The following ZNF654 variants were observed in gnomAD, a reference collection of about 807,000 sequenced individuals.
ZNF654 encodes zinc finger protein 654.
Under a neutral mutation model 95.3 loss-of-function variants are expected in ZNF654, and 19 were observed. That is an observed-to-expected ratio of 0.20 (90% CI 0.14 to 0.29). The LOEUF (loss-of-function observed/expected upper bound fraction) is 0.29. Ranked by LOEUF, ZNF654 falls within the 10% of genes least tolerant of loss-of-function variation. ZNF654 has a pLI of 1.00. For synonymous variants in ZNF654, 413 were observed against 457.9 expected, an observed-to-expected ratio of 0.90 and a Z score of 1.25; for missense variants, 1,046 against 1,341.0, an observed-to-expected ratio of 0.78 and a Z score of 3.44.
At chr3:88,102,817 C>CTTTTTTTTTT (rs10701359) in intron 2 of ZNF654, among the ~76,000 whole-genome samples, 1 of 106,524 alleles carries the variant, frequency 9.4e-6, no homozygotes. Flanking sequence ...CCTCTACTGT[C>CTTTTTTTTTT]TTTTTTTTTT....
At chr3:88,081,140 C>T (rs1390491970) in intron 1 of ZNF654, among the ~76,000 whole-genome samples, 2 of 151,996 alleles carry the variant, frequency 1.3e-5, no homozygotes, top group African/African-American at 4.8e-5. Flanking sequence ...TTTGTTTTCT[C>T]GTGATGGGAA....
At chr3:88,078,082 A>G (rs770093026) in intron 1 of ZNF654, among the ~76,000 whole-genome samples, 6 of 152,064 alleles carry the variant, frequency 3.9e-5, no homozygotes, top group Non-Finnish European at 8.8e-5. Context: ...CAAGTATAAT[A>G]CTCTTTACAT....
At chr3:88,095,888 A>C in intron 2 of ZNF654, 2 of 432,104 alleles carry the variant, frequency 4.6e-6, no homozygotes, top group Non-Finnish European at 4.4e-6. Flanking sequence ...ACTTAACCAC[A>C]TGCCTGTCTA....
chr3:88,067,832 G>A (rs1267123647), intron 1 of ZNF654, among the ~76,000 whole-genome samples: 1 of 151,868 alleles, frequency 6.6e-6, no homozygotes, highest in African/African-American at 2.4e-5. Flanking sequence ...GAGAAGGAAA[G>A]ATATGGTGGT....
At chr3:88,103,237 C>G (rs1031358448) in intron 2 of ZNF654, among the ~76,000 whole-genome samples, 3 of 151,938 alleles carry the variant, frequency 2.0e-5, no homozygotes, top group African/African-American at 7.3e-5. Context: ...GATATAAAGG[C>G]TATAGTGGAA....
chr3:88,129,400 C>T (rs948315208), intron 5 of ZNF654, among the ~76,000 whole-genome samples: 3 of 148,688 alleles, frequency 2.0e-5, no homozygotes, highest in East Asian at 2.0e-4. Flanking sequence ...GTAAAATGCT[C>T]ATGTTTATTT....
At chr3:88,098,255 C>CAT (rs1559708461) in intron 2 of ZNF654, among the ~76,000 whole-genome samples, 1 of 152,174 alleles carries the variant, frequency 6.6e-6, no homozygotes, top group East Asian at 1.9e-4. Flanking sequence ...TTCCTGCACA[C>CAT]ATACACCCTC....
intron 4 of ZNF654, among the ~76,000 whole-genome samples, chr3:88,128,252 A>C (rs1706237268): frequency 6.6e-6 from 1 of 152,130 alleles, no homozygotes; most frequent in South Asian, 2.1e-4. Context: ...AGTAATACAT[A>C]AATGTATATT....
chr3:88,129,867 G>A, intron 6 of ZNF654, 41 bp downstream of exon 6: 1 of 1,348,090 alleles, frequency 7.4e-7, no homozygotes, highest in Non-Finnish European at 9.6e-7. Flanking sequence ...GGTAAGATGG[G>A]CAACAGAAAG....
chr3:88,102,817 C>CTTT (rs10701359), intron 2 of ZNF654, among the ~76,000 whole-genome samples: 62,825 of 106,152 alleles, frequency 0.59, 19,939 homozygotes, highest in South Asian at 0.79. Context: ...CCTCTACTGT[C>CTTT]TTTTTTTTTT....
At chr3:88,089,001 G>C (rs1306406452) in intron 2 of ZNF654, among the ~76,000 whole-genome samples, 2 of 151,696 alleles carry the variant, frequency 1.3e-5, no homozygotes, top group African/African-American at 4.8e-5. Context: ...TTGAACTCCT[G>C]ACCTCAGATG....
intron 1 of ZNF654, among the ~76,000 whole-genome samples, chr3:88,067,239 G>A (rs1350333249): frequency 6.6e-6 from 1 of 152,196 alleles, no homozygotes; most frequent in Non-Finnish European, 1.5e-5. Context: ...CTATAAATGG[G>A]AACTAATAGC....
At chr3:88,137,904 T>G (rs1706894649) in intron 7 of ZNF654, among the ~76,000 whole-genome samples, 1 of 152,088 alleles carries the variant, frequency 6.6e-6, no homozygotes. Context: ...TATATATACA[T>G]ATATATGATG....
chr3:88,125,039 C>G (rs554286748), intron 3 of ZNF654, among the ~76,000 whole-genome samples: 1 of 152,038 alleles, frequency 6.6e-6, no homozygotes, highest in East Asian at 1.9e-4. Flanking sequence ...CACGGTGAAA[C>G]TCTGTCTCTA....
At chr3:88,093,447 C>T (rs531314962) in intron 2 of ZNF654, among the ~76,000 whole-genome samples, 1 of 152,274 alleles carries the variant, frequency 6.6e-6, no homozygotes, top group East Asian at 1.9e-4. Context: ...ATTTGCCTGA[C>T]GGCCACTAGG....
At chr3:88,060,199 C>T (rs1706785114) in intron 1 of ZNF654, among the ~76,000 whole-genome samples, 2 of 152,092 alleles carry the variant, frequency 1.3e-5, no homozygotes, top group South Asian at 4.1e-4. Context: ...TCCTTAAACT[C>T]TTGCTCCGGT....
rs182971258 is a variant in ZNF654, at chr3:88,101,086, C to T, written c.333-12029C>T. On this transcript the variant is annotated intron_variant, in intron 2 of 8. Coordinates refer to ENST00000636215, the MANE Select transcript of ZNF654 (RefSeq NM_001350134.2). ...TTGTTTCAGCTGTATTTCCCCACTC[C>T]TTACCCATTGCTAGTTATCTTTTTT... Among the ~76,000 whole-genome samples, 19 of 152,284 alleles carry T rather than the reference C, an allele frequency of 1.2e-4. No individual in the cohort carries two copies. In the East Asian group the frequency reaches 3.7e-3, roughly 29 times the overall value.
intron 1 of ZNF654, among the ~76,000 whole-genome samples, chr3:88,069,766 T>C (rs1707405386): frequency 6.6e-6 from 1 of 152,224 alleles, no homozygotes; most frequent in Non-Finnish European, 1.5e-5. Flanking sequence ...ATTATAGCAG[T>C]TCTCAAAATA....
chr3:88,133,558 T>C (rs921087012), intron 6 of ZNF654, among the ~76,000 whole-genome samples: 4 of 151,692 alleles, frequency 2.6e-5, no homozygotes, highest in Admixed American at 2.6e-4. Context: ...GAAAGATAAG[T>C]TCATCTTAGG....
Sources: allele counts gnomAD v4.1 joint callset (sites outside exome capture counted in the v4.1 genomes callset), GRCh38; gene constraint gnomAD v4.1.1; transcripts MANE v1.5; gene names NCBI Gene and HGNC (gene_info 2026-07-23, HGNC 2026-07-21).